The following KDM4C variants were observed in gnomAD, a reference collection of about 807,000 sequenced individuals.
KDM4C encodes the protein lysine demethylase 4C, also known as lysine-specific demethylase 4C.
In KDM4C, 81 loss-of-function variants were observed where a neutral mutation model predicts 129.3. The observed-to-expected ratio is 0.63, with a 90% CI of 0.52 to 0.75. The LOEUF (loss-of-function observed/expected upper bound fraction) is 0.75. KDM4C is among the 30% of genes least tolerant of loss of function. The pLI is 0.00. For synonymous variants in KDM4C, 573 were observed against 456.1 expected (o/e 1.26, Z -3.26); for missense variants, 1,457 against 1,304.0 (o/e 1.12, Z -1.81).
upstream of KDM4C, among the ~76,000 whole-genome samples, chr9:6,753,470 C>T (rs1226468984): frequency 6.6e-6 from 1 of 152,106 alleles, no homozygotes; most frequent in Non-Finnish European, 1.5e-5. Context: ...GATGGGGTCT[C>T]GCTATGTTGC....
intron 5 of KDM4C, among the ~76,000 whole-genome samples, chr9:6,878,367 CATCTAAAAGAAGA>C (rs770340717): frequency 7.2e-5 from 11 of 152,054 alleles, no homozygotes; most frequent in Non-Finnish European, 8.8e-5. Flanking sequence ...CACTGTCTTC[CATCTAAAAGAAGA>C]AAAGTAGAAC....
chr9:7,158,952 C>T (rs1843484925), intron 19 of KDM4C, among the ~76,000 whole-genome samples: 1 of 152,082 alleles, frequency 6.6e-6, no homozygotes, highest in Admixed American at 6.6e-5. Flanking sequence ...GTTAAAGTCT[C>T]CCATTATTAT....
rs1169425426 is a variant in KDM4C, at chr9:7,120,592, T to C, written c.2611-7474T>C. 4.6e-5 allele frequency among the ~76,000 whole-genome samples: 7 copies of C among 152,196 alleles called. No homozygotes were observed. The East Asian group carries it at 1.3e-3, about 29-fold the overall frequency. ...AGCCCCAAACCTGAGAATGAAATTA[T>C]TTATTTGATTGAAACAACATGTCTT... On this transcript the variant is annotated intron_variant, in intron 18 of 21. Transcript: ENST00000381309.
At chr9:7,100,172 A>C (rs1042399362) in intron 17 of KDM4C, among the ~76,000 whole-genome samples, 1 of 152,172 alleles carries the variant, frequency 6.6e-6, no homozygotes, top group Admixed American at 6.5e-5. Flanking sequence ...CAAAGCAGGC[A>C]AATTGCTTGA....
At chr9:7,018,918 C>T (rs929243259) in intron 15 of KDM4C, among the ~76,000 whole-genome samples, 23 of 152,188 alleles carry the variant, frequency 1.5e-4, no homozygotes, top group African/African-American at 5.5e-4. Flanking sequence ...AAATCTCTGT[C>T]AATTTACAGT....
intron 15 of KDM4C, among the ~76,000 whole-genome samples, chr9:7,027,890 G>A (rs1468042049): frequency 6.6e-6 from 1 of 152,196 alleles, no homozygotes; most frequent in Admixed American, 6.5e-5. Flanking sequence ...GGCTCATGGA[G>A]AATACTGCTG....
intron 17 of KDM4C, among the ~76,000 whole-genome samples, chr9:7,060,751 A>G (rs986314252): frequency 1.3e-5 from 2 of 152,088 alleles, no homozygotes; most frequent in African/African-American, 4.8e-5. Context: ...AAGTGCTGGG[A>G]TCATAGGTGT....
intron 18 of KDM4C, among the ~76,000 whole-genome samples, chr9:7,117,626 T>TACACACACACAC (rs71315578): frequency 3.3e-4 from 49 of 147,020 alleles, no homozygotes; most frequent in East Asian, 6.0e-4. Context: ...TGTTAATTTC[T>TACACACACACAC]ACACACACAC....
Position 6,816,813 on chromosome 9 carries a change from C to A in KDM4C, c.435+2068C>A, listed in dbSNP as rs114053133. ...GTTTGGATTTCCCCTTTAGTGAAGT[C>A]TCTTATACACTTCTTTTTTGTCATG... On this transcript the variant is annotated intron_variant, in intron 4 of 21. Coordinates refer to ENST00000381309, the MANE Select transcript of KDM4C (RefSeq NM_015061.6). Among the ~76,000 whole-genome samples, 638 of 150,210 alleles carry A rather than the reference C, an allele frequency of 4.2e-3. 5 individuals are homozygous for A. Among genetic ancestry groups the A allele is most frequent in the African/African-American group, 0.015 (609 of 41,022 alleles).
At chr9:6,892,873 T>G (rs1846299754) in intron 7 of KDM4C, among the ~76,000 whole-genome samples, 1 of 152,212 alleles carries the variant, frequency 6.6e-6, no homozygotes, top group South Asian at 2.1e-4. Flanking sequence ...TTGATTTAAT[T>G]CAAGTGCCAG....
intron 6 of KDM4C, among the ~76,000 whole-genome samples, chr9:6,886,008 T>G (rs929968201): frequency 3.9e-5 from 6 of 152,234 alleles, no homozygotes; most frequent in African/African-American, 1.4e-4. Context: ...ATTTAAAACT[T>G]AATTCATCAG....
chr9:6,738,171 AAACT>A (rs1817587038), intron 1 of KDM4C, among the ~76,000 whole-genome samples: 1 of 149,450 alleles, frequency 6.7e-6, no homozygotes, highest in African/African-American at 2.5e-5. Flanking sequence ...AAACTAAACT[AAACT>A]AAACTAAAAA....
At chr9:6,739,017 C>T (rs1022863170) in intron 1 of KDM4C, among the ~76,000 whole-genome samples, 2 of 152,146 alleles carry the variant, frequency 1.3e-5, no homozygotes, top group Middle Eastern at 3.4e-3. Context: ...GCTGGGATTA[C>T]GGGCATGAGC....
intron 19 of KDM4C, among the ~76,000 whole-genome samples, chr9:7,128,745 C>T (rs1191237600): frequency 2.0e-5 from 3 of 152,030 alleles, no homozygotes; most frequent in South Asian, 2.1e-4. Flanking sequence ...TAAGTAGTTT[C>T]GTTACTGTGG....
chr9:7,115,870 A>G (rs1434597314), intron 18 of KDM4C, among the ~76,000 whole-genome samples: 13 of 152,228 alleles, frequency 8.5e-5, no homozygotes, highest in Admixed American at 8.5e-4. Context: ...TGGGCTCTGC[A>G]CATTTCTCAC....
intron 5 of KDM4C, among the ~76,000 whole-genome samples, chr9:6,875,519 G>T (rs1054365912): frequency 6.6e-6 from 1 of 152,198 alleles, no homozygotes; most frequent in African/African-American, 2.4e-5. Flanking sequence ...TCTTAGAAAT[G>T]TAAGTGGGTA....
intron 5 of KDM4C, among the ~76,000 whole-genome samples, chr9:6,869,455 T>A (rs750721978): frequency 1.3e-5 from 2 of 152,236 alleles, no homozygotes; most frequent in Admixed American, 6.5e-5. Flanking sequence ...TGTTTTAGCT[T>A]AGATTACTTG....
chr9:6,840,755 C>T (rs763270743), intron 4 of KDM4C, among the ~76,000 whole-genome samples: 1 of 152,192 alleles, frequency 6.6e-6, no homozygotes, highest in Non-Finnish European at 1.5e-5. Flanking sequence ...ACCTTCCTTT[C>T]ATCTGTAAAA....
At chr9:6,960,744 C>A (rs1829898977) in intron 8 of KDM4C, among the ~76,000 whole-genome samples, 2 of 152,180 alleles carry the variant, frequency 1.3e-5, no homozygotes, top group Admixed American at 6.5e-5. Flanking sequence ...CAGTCTCTTT[C>A]TCCAAGTTGC....
Sources: allele counts gnomAD v4.1 joint callset (sites outside exome capture counted in the v4.1 genomes callset), GRCh38; gene constraint gnomAD v4.1.1; transcripts MANE v1.5; gene names NCBI Gene and HGNC (gene_info 2026-07-23, HGNC 2026-07-21).